Variants in TBCD observed in about 807,000 individuals in gnomAD.
The protein encoded by TBCD is tubulin-specific chaperone D.
A neutral mutation model predicts 169.3 loss-of-function variants in TBCD; 105 were observed. That is an observed-to-expected ratio of 0.62 (90% CI 0.53 to 0.73). The LOEUF is 0.73. Among genes scored for constraint, TBCD ranks in the 30% least tolerant of loss-of-function variants. The probability of loss-of-function intolerance (pLI) is 0.00; values close to 1 mark genes in which losing one functional copy is unlikely to be tolerated. For missense variants in TBCD, 1,444 were observed against 1,600.1 expected (o/e 0.90, Z 1.66); for synonymous variants, 700 against 643.9 (o/e 1.09, Z -1.32).
intron 13 of TBCD, among the ~76,000 whole-genome samples, chr17:82,861,675 G>T (rs2056777313): frequency 6.6e-6 from 1 of 152,194 alleles, no homozygotes; most frequent in Admixed American, 6.5e-5. Flanking sequence ...AAAGATGTGG[G>T]AGTCTTTGCA....
chr17:82,840,383 A>G (rs1567868319), intron 13 of TBCD: 2 of 152,278 alleles, frequency 1.3e-5, no homozygotes, highest in Non-Finnish European at 2.9e-5. Context: ...GAACTTGAGC[A>G]TGTGTACGCA....
intron 17 of TBCD, among the ~76,000 whole-genome samples, chr17:82,897,313 A>T (rs1287102508): frequency 6.6e-6 from 1 of 151,972 alleles, no homozygotes. Flanking sequence ...AGGTCAAGAG[A>T]TCGAGACCAT....
intron 7 of TBCD, chr17:82,795,724 A>C: frequency 1.9e-6 from 1 of 540,410 alleles, no homozygotes; most frequent in East Asian, 1.5e-4. Context: ...GGTGGGGTGC[A>C]GGGGGCCGTT....
At chr17:82,795,625 G>A (rs980049536) in intron 7 of TBCD, 1 of 985,058 alleles carries the variant, frequency 1.0e-6, no homozygotes, top group Non-Finnish European at 1.2e-6. Flanking sequence ...GCCGCTCGCA[G>A]GTTCATTTGT....
chr17:82,796,501 G>A (rs923118140), intron 7 of TBCD, among the ~76,000 whole-genome samples: 4 of 152,206 alleles, frequency 2.6e-5, no homozygotes, highest in Non-Finnish European at 5.9e-5. Context: ...TGATCACCTT[G>A]GTGAATGTGT....
At position 82,926,794 on chromosome 17, in the gene TBCD, C is replaced by T. The variant is rs1213132454; in HGVS notation, c.2471+303C>T. 4 of 527,360 alleles carry T rather than the reference C, an allele frequency of 7.6e-6. No individual in the cohort carries two copies. The East Asian group carries it at 1.0e-4, about 13-fold the overall frequency. The allele number at this position is 527,360 out of a possible 1,614,324, so 32.7% of individuals were successfully genotyped here. ...CAGCCAGTGTTTGGAATGATCTCTG[C>T]ACTCGTTGACAGACACGCACCTGGG... On this transcript the variant is annotated intron_variant, in intron 28 of 38. Transcript: ENST00000355528.
intron 7 of TBCD, among the ~76,000 whole-genome samples, chr17:82,786,318 G>T (rs763337399): frequency 1.1e-4 from 17 of 152,308 alleles, no homozygotes; most frequent in Non-Finnish European, 2.1e-4. Context: ...GGGAGCAAAT[G>T]GGAGGTCTAA....
At chr17:82,815,495 G>T (rs1186456737) in intron 13 of TBCD, among the ~76,000 whole-genome samples, 4 of 152,356 alleles carry the variant, frequency 2.6e-5, no homozygotes, top group African/African-American at 9.6e-5. Flanking sequence ...CTCTGCAGTG[G>T]CCAGCAGTGG....
chr17:82,906,596 T>C (rs943482138), intron 20 of TBCD, among the ~76,000 whole-genome samples: 29 of 152,236 alleles, frequency 1.9e-4, no homozygotes, highest in African/African-American at 5.8e-4. Flanking sequence ...TCGTCTTACG[T>C]TTCTTCCCAG....
chr17:82,908,425 C>T, intron 21 of TBCD: 1 of 456,324 alleles, frequency 2.2e-6, no homozygotes, highest in Non-Finnish European at 4.4e-6. Flanking sequence ...TCAAAGGCTT[C>T]TGTGACCCAG....
In TBCD at chr17:82,789,115, A is replaced by T. The variant is rs1243751586; in HGVS notation, c.771+7394A>T. ...AGAAAATAGGACAAGAGCAGTTTGAATGTGGGTACTTTCCAGAGATCATGC... is the reference window on the plus strand; with the variant it reads ...AGAAAATAGGACAAGAGCAGTTTGATTGTGGGTACTTTCCAGAGATCATGC... On this transcript the variant is annotated intron_variant, in intron 7 of 38. Coordinates refer to ENST00000355528, the MANE Select transcript of TBCD (RefSeq NM_005993.5). This position sits in a 1 kb window ranked among gnomAD's most constrained non-coding sequence, Gnocchi z 4.8. Among the ~76,000 whole-genome samples, 1 of 152,144 alleles carries T rather than the reference A, an allele frequency of 6.6e-6. No homozygotes were observed.
intron 37 of TBCD, among the ~76,000 whole-genome samples, chr17:82,940,465 C>G (rs1821536303): frequency 6.6e-6 from 1 of 152,234 alleles, no homozygotes; most frequent in African/African-American, 2.4e-5. Flanking sequence ...TTGAATCCAG[C>G]AAGGACGTAG....
chr17:82,791,663 T>C (rs911502093), intron 7 of TBCD, among the ~76,000 whole-genome samples: 3 of 152,360 alleles, frequency 2.0e-5, no homozygotes, highest in East Asian at 1.9e-4. Flanking sequence ...GCTGGAATAC[T>C]GTAATGCTGC....
At chr17:82,893,411 G>A in intron 16 of TBCD, 136 bp from the exon 17 acceptor site, 1 of 651,756 alleles carries the variant, frequency 1.5e-6, no homozygotes, top group Non-Finnish European at 2.7e-6. Flanking sequence ...TGTCTGTGGT[G>A]TGTGGCTTGC....
Position 82,797,804 on chromosome 17 carries a change from TA to T in TBCD, c.817+4del. On this transcript the variant is annotated splice_donor_region_variant and intron_variant, in intron 8 of 38. Transcript: ENST00000355528. ...AACGTGAAGACTGTTTGCCCTATGG[TA>T]AGGTTTATTTTTAAGAGACGATATC... 1 of 1,574,718 alleles carries T rather than the reference TA, an allele frequency of 6.4e-7. No individual in the cohort carries two copies. The highest frequency in any genetic ancestry group is 8.6e-7 in the Non-Finnish European group (1 of 1,167,042).
rs754080053 is a variant in TBCD at position 82,789,642 on chromosome 17, T to C, written c.771+7921T>C. ...GGCTCACAGACCCGTGATGCCTCAC[T>C]GCCCACGCAGTCACCTTAGAGGCAC... On this transcript the variant is annotated intron_variant, in intron 7 of 38. Coordinates refer to ENST00000355528, the MANE Select transcript of TBCD (RefSeq NM_005993.5). This position sits in a 1 kb window ranked among gnomAD's most constrained non-coding sequence, Gnocchi z 4.8. Among the ~76,000 whole-genome samples, 1 of 152,216 alleles carries C rather than the reference T, an allele frequency of 6.6e-6. No homozygotes were observed. The highest frequency in any genetic ancestry group is 1.5e-5 in the Non-Finnish European group (1 of 68,028).
intron 13 of TBCD, among the ~76,000 whole-genome samples, chr17:82,816,721 A>C (rs1181649128): frequency 1.3e-5 from 2 of 150,988 alleles, no homozygotes; most frequent in African/African-American, 2.4e-5. Flanking sequence ...TAGTTTTGTT[A>C]GAGACAGGGC....
Position 82,930,390 on chromosome 17 carries a change from G to A in TBCD, c.2992-132G>A. The A allele has an allele frequency of 7.3e-7, 1 of 1,361,494 alleles. No individual in the cohort carries two copies. The highest frequency in any genetic ancestry group is 9.8e-7 in the Non-Finnish European group (1 of 1,025,146). 84.3% of individuals were successfully genotyped at this position (1,361,494 alleles called of 1,614,324 possible). ...TGCTGGCGTCCGCACCAGCCGCTTG[G>A]GGCCAGACCTTCGCGTCTCTGCAGC... On this transcript the variant is annotated intron_variant, in intron 32 of 38. Transcript: ENST00000355528. The surrounding 1 kb of genome is among the most constrained non-coding windows in gnomAD (Gnocchi z 5.2).
At chr17:82,790,679 T>C (rs934588970) in intron 7 of TBCD, among the ~76,000 whole-genome samples, 4 of 152,136 alleles carry the variant, frequency 2.6e-5, no homozygotes, top group African/African-American at 9.7e-5. Context: ...CCGGGGGAGA[T>C]GTGGCATCAG....
Sources: allele counts gnomAD v4.1 joint callset (sites outside exome capture counted in the v4.1 genomes callset), GRCh38; gene constraint gnomAD v4.1.1; non-coding constraint Gnocchi (gnomAD v3.1); transcripts MANE v1.5; gene names NCBI Gene and HGNC (gene_info 2026-07-23, HGNC 2026-07-21).